Variants in SPATS2L observed in about 807,000 individuals in gnomAD.
SPATS2L encodes the protein SPATS2-like protein.
A neutral mutation model predicts 59.6 loss-of-function variants in SPATS2L; 30 were observed. That is an observed-to-expected ratio of 0.50 (90% CI 0.38 to 0.68). The LOEUF (loss-of-function observed/expected upper bound fraction) is 0.68, where lower values mean the gene tolerates loss of function less well. Among genes scored for constraint, SPATS2L ranks in the 30% least tolerant of loss-of-function variants. SPATS2L has a pLI of 0.00. For missense variants in SPATS2L, 615 were observed against 700.0 expected (o/e 0.88, Z 1.37); for synonymous variants, 252 against 263.5 (o/e 0.96, Z 0.42).
At chr2:200,320,099 A>AT (rs36121251) in intron 1 of SPATS2L, among the ~76,000 whole-genome samples, 31 of 150,706 alleles carry the variant, frequency 2.1e-4, no homozygotes, top group African/African-American at 6.6e-4. Flanking sequence ...CAGTATGTGA[A>AT]TTTTTTTTTT....
chr2:200,351,999 T>C (rs1003602724), intron 2 of SPATS2L, among the ~76,000 whole-genome samples: 2 of 152,168 alleles, frequency 1.3e-5, no homozygotes, highest in African/African-American at 4.8e-5. Context: ...TTGGCTACCT[T>C]TCTGGCTTGG....
intron 2 of SPATS2L, among the ~76,000 whole-genome samples, chr2:200,333,658 C>A (rs1439920644): frequency 6.6e-6 from 1 of 152,066 alleles, no homozygotes; most frequent in Non-Finnish European, 1.5e-5. Context: ...CCCGCTCCCC[C>A]CACCCCATGA....
intron 8 of SPATS2L, among the ~76,000 whole-genome samples, chr2:200,445,053 G>A (rs2084942890): frequency 1.3e-5 from 2 of 152,220 alleles, no homozygotes; most frequent in South Asian, 4.1e-4. Flanking sequence ...AATGTGGCAG[G>A]GCAAGGTGGA....
At chr2:200,394,001 A>G (rs1410532855) in intron 3 of SPATS2L, among the ~76,000 whole-genome samples, 2 of 152,236 alleles carry the variant, frequency 1.3e-5, no homozygotes, top group African/African-American at 2.4e-5. Context: ...TCCTGCCTTC[A>G]TGCAGCTTTT....
intron 9 of SPATS2L, among the ~76,000 whole-genome samples, chr2:200,460,393 G>A (rs1021350181): frequency 1.3e-5 from 2 of 151,998 alleles, no homozygotes; most frequent in Non-Finnish European, 2.9e-5. Context: ...GTCAGACAAG[G>A]CAAACTCACA....
At chr2:200,437,823 G>T (rs905407895) in intron 6 of SPATS2L, among the ~76,000 whole-genome samples, 3 of 152,186 alleles carry the variant, frequency 2.0e-5, no homozygotes, top group African/African-American at 7.2e-5. Context: ...CTAGGACCTA[G>T]ATCATATTCC....
intron 8 of SPATS2L, among the ~76,000 whole-genome samples, chr2:200,444,645 T>C (rs2084913536): frequency 6.6e-6 from 1 of 152,134 alleles, no homozygotes; most frequent in African/African-American, 2.4e-5. Context: ...ACTTTGTGTT[T>C]CTTTTTTCCC....
At chr2:200,342,048 C>G (rs1426506099) in intron 2 of SPATS2L, among the ~76,000 whole-genome samples, 2 of 152,116 alleles carry the variant, frequency 1.3e-5, no homozygotes, top group Non-Finnish European at 1.5e-5. Context: ...ACTCTAATCC[C>G]CCTTTAATGT....
intron 2 of SPATS2L, among the ~76,000 whole-genome samples, chr2:200,347,969 ATGGCC>A (rs1286742038): frequency 6.6e-6 from 1 of 152,186 alleles, no homozygotes; most frequent in African/African-American, 2.4e-5. Flanking sequence ...CACCCCATAT[ATGGCC>A]TGCTAAAAGG....
intron 1 of SPATS2L, among the ~76,000 whole-genome samples, chr2:200,318,947 T>C (rs1351428959): frequency 6.6e-6 from 1 of 152,094 alleles, no homozygotes; most frequent in Admixed American, 6.6e-5. Flanking sequence ...CCCATTTCGA[T>C]TTGGACTTCA....
At position 200,477,679 on chromosome 2, in the gene SPATS2L, A is replaced by C; in HGVS notation, c.1325A>C (p.His442Pro). The change falls in exon 13 of 13, where the codon CAT (histidine) becomes CCT (proline). Residue 442 changes from histidine (H) to proline (P), a missense_variant. By Grantham distance (77) the His-to-Pro change is moderately conservative. Coordinates refer to ENST00000409140, the MANE Select transcript of SPATS2L (RefSeq NM_001100423.2). The part of the protein sequence containing the change: ...NQRRRFNPQY[H>P]NNRLNGPAKS... ...AGACGGAGATTTAATCCACAGTATC[A>C]TAACAACAGGCTAAATGGGCCTGCC... 2 of 1,566,092 alleles carry C rather than the reference A, an allele frequency of 1.3e-6. No individual in the cohort carries two copies. The highest frequency in any genetic ancestry group is 1.7e-6 in the Non-Finnish European group (2 of 1,154,678).
At chr2:200,343,837 C>G (rs551321468) in intron 2 of SPATS2L, among the ~76,000 whole-genome samples, 1 of 151,918 alleles carries the variant, frequency 6.6e-6, no homozygotes, top group South Asian at 2.1e-4. Context: ...TTAACAAAAG[C>G]CAAGTATGCA....
intron 6 of SPATS2L, among the ~76,000 whole-genome samples, chr2:200,432,930 C>T (rs182622442): frequency 6.6e-6 from 1 of 152,224 alleles, no homozygotes; most frequent in East Asian, 1.9e-4. Context: ...GCCAGAGCCT[C>T]AGTGACTTAA....
chr2:200,469,490 C>T (rs1003725592), intron 10 of SPATS2L, among the ~76,000 whole-genome samples: 2 of 152,196 alleles, frequency 1.3e-5, no homozygotes, highest in Admixed American at 6.5e-5. Flanking sequence ...GCTTTGTGGA[C>T]GTCCCGGTTC....
At chr2:200,428,381 G>A (rs1444878204) in intron 6 of SPATS2L, among the ~76,000 whole-genome samples, 2 of 152,124 alleles carry the variant, frequency 1.3e-5, no homozygotes, top group Admixed American at 6.5e-5. Flanking sequence ...TGGTTTCTAT[G>A]ACATGACACT....
At chr2:200,330,164 A>G (rs1035078886) in intron 2 of SPATS2L, among the ~76,000 whole-genome samples, 3 of 43,446 alleles carry the variant, frequency 6.9e-5, no homozygotes, top group African/African-American at 1.4e-4. Flanking sequence ...TTTCAAGCTC[A>G]TGTATGCAAG....
rs189851116 is a variant in SPATS2L at position 200,395,548 on chromosome 2, A to G, written c.39+6265A>G. Among the ~76,000 whole-genome samples the G allele has an allele frequency of 1.1e-3, 164 of 152,292 alleles. 1 individual carries two copies. The highest frequency in any genetic ancestry group is 2.4e-3 in the Admixed American group (37 of 15,296). ...AGCCACTTAACTTTTCTGGGCCTCA[A>G]TTTCCTAATCTGTAAATTGGACATG... is the stretch of plus-strand genomic sequence containing the variant. On this transcript the variant is annotated intron_variant, in intron 3 of 12. Coordinates refer to ENST00000409140, the MANE Select transcript of SPATS2L (RefSeq NM_001100423.2).
chr2:200,336,650 T>A (rs1171760342), intron 2 of SPATS2L, among the ~76,000 whole-genome samples: 1 of 152,204 alleles, frequency 6.6e-6, no homozygotes, highest in African/African-American at 2.4e-5. Flanking sequence ...ACCAAATGTG[T>A]ATCCGATACA....
chr2:200,378,056 C>T (rs1464825767), intron 2 of SPATS2L: 1 of 168,604 alleles, frequency 5.9e-6, no homozygotes, highest in East Asian at 1.9e-4. Flanking sequence ...CATTCACTAA[C>T]AGGACCCTGA....
Sources: gnomAD v4.1 joint callset for allele counts (sites outside exome capture counted in the v4.1 genomes callset) on GRCh38, gnomAD v4.1.1 for gene constraint, MANE v1.5 for transcripts, NCBI Gene and HGNC (gene_info 2026-07-23, HGNC 2026-07-21) for gene names.